The following AGBL1 variants were observed in gnomAD, a reference collection of about 807,000 sequenced individuals.
AGBL1 encodes cytosolic carboxypeptidase 4.
Under a neutral mutation model 118.9 loss-of-function variants are expected in AGBL1, and 130 were observed. That is an observed-to-expected ratio of 1.09 (90% CI 0.95 to 1.26). The LOEUF (loss-of-function observed/expected upper bound fraction) is 1.26, where lower values mean the gene tolerates loss of function less well. Ranked by LOEUF, AGBL1 falls within the 50% of genes most tolerant of loss-of-function variation. AGBL1 has a pLI of 0.00. For missense variants in AGBL1, 1,584 were observed against 1,298.1 expected (o/e 1.22, Z -3.38); for synonymous variants, 555 against 478.9 (o/e 1.16, Z -2.08).
chr15:86,367,357 C>G (rs2080904593), intron 17 of AGBL1, among the ~76,000 whole-genome samples: 2 of 152,132 alleles, frequency 1.3e-5, no homozygotes, highest in Admixed American at 1.3e-4. Flanking sequence ...ATTAGCAATT[C>G]TAATATGAAG....
intron 2 of AGBL1, among the ~76,000 whole-genome samples, chr15:86,142,613 A>C (rs761821632): frequency 9.9e-5 from 15 of 152,240 alleles, no homozygotes; most frequent in Non-Finnish European, 2.1e-4. Context: ...TTTAGAAAGA[A>C]ATATTAACAC....
chr15:86,553,517 C>T (rs768205471), intron 20 of AGBL1, among the ~76,000 whole-genome samples: 18 of 152,072 alleles, frequency 1.2e-4, no homozygotes, highest in South Asian at 2.1e-4. Flanking sequence ...GAAGATGAGA[C>T]GAAAAAGATC....
intron 22 of AGBL1, among the ~76,000 whole-genome samples, chr15:86,762,054 T>G (rs1045646747): frequency 1.3e-5 from 2 of 152,174 alleles, no homozygotes; most frequent in Non-Finnish European, 1.5e-5. Context: ...AGGAATGAGA[T>G]TATGTCATTT....
At chr15:86,570,303 G>A (rs1480580422) in intron 21 of AGBL1, among the ~76,000 whole-genome samples, 3 of 152,206 alleles carry the variant, frequency 2.0e-5, no homozygotes, top group African/African-American at 7.2e-5. Context: ...TGACACCATC[G>A]TGAGAAGGAA....
chr15:86,797,006 C>T (rs1468154956), intron 22 of AGBL1, among the ~76,000 whole-genome samples: 1 of 152,132 alleles, frequency 6.6e-6, no homozygotes, highest in East Asian at 1.9e-4. Context: ...TTAGACAAAC[C>T]TGAGTTCAAA....
At chr15:86,126,054 G>A (rs78554347) in intron 1 of AGBL1, among the ~76,000 whole-genome samples, 5 of 152,018 alleles carry the variant, frequency 3.3e-5, no homozygotes, top group African/African-American at 9.6e-5. Context: ...TTTTCTTCTC[G>A]GTGTCCTGTT....
intron 5 of AGBL1, among the ~76,000 whole-genome samples, chr15:86,172,600 G>A (rs1161626301): frequency 6.6e-6 from 1 of 151,316 alleles, no homozygotes; most frequent in Non-Finnish European, 1.5e-5. Flanking sequence ...AAATGTGAGT[G>A]GTAGTTGTCT....
intron 17 of AGBL1, among the ~76,000 whole-genome samples, chr15:86,327,675 G>A (rs114362461): frequency 1.2e-3 from 178 of 152,292 alleles, no homozygotes; most frequent in African/African-American, 4.1e-3. Flanking sequence ...GCATTTTGAG[G>A]TGAGTCATAG....
At chr15:86,582,650 GC>G (rs2084186407) in intron 21 of AGBL1, among the ~76,000 whole-genome samples, 1 of 152,122 alleles carries the variant, frequency 6.6e-6, no homozygotes, top group African/African-American at 2.4e-5. Flanking sequence ...AGAAAATGTG[GC>G]ACATATACAC....
intron 22 of AGBL1, among the ~76,000 whole-genome samples, chr15:86,760,285 T>C (rs1290299825): frequency 3.9e-5 from 6 of 152,008 alleles, no homozygotes; most frequent in African/African-American, 7.2e-5. Context: ...TACGTTAGGG[T>C]GTCTTCCATA....
At chr15:86,144,844 T>G (rs574780366) in intron 3 of AGBL1, among the ~76,000 whole-genome samples, 1 of 152,302 alleles carries the variant, frequency 6.6e-6, no homozygotes, top group South Asian at 2.1e-4. Flanking sequence ...GTCTATAATA[T>G]AAGTGTCCTA....
In AGBL1 at chr15:86,615,626, T is replaced by G. The variant is rs1243671934; in HGVS notation, c.2995-58647T>G. Among the ~76,000 whole-genome samples, 2 of 152,198 alleles carry G rather than the reference T, an allele frequency of 1.3e-5. No individual in the cohort carries two copies. The highest frequency in any genetic ancestry group is 4.8e-5 in the African/African-American group (2 of 41,454). On this transcript the variant is annotated intron_variant, in intron 21 of 22. Coordinates refer to ENST00000614907, the MANE Select transcript of AGBL1 (RefSeq NM_001386094.1). This position sits in a 1 kb window ranked among gnomAD's most constrained non-coding sequence, Gnocchi z 4.3. ...ACTTTGAGGCAATCTAATCTGAGTG[T>G]AACAGAGCACTGAGGCTCCGGTTCA...
intron 12 of AGBL1, among the ~76,000 whole-genome samples, chr15:86,266,770 C>T (rs923895411): frequency 2.1e-4 from 32 of 152,066 alleles, no homozygotes; most frequent in African/African-American, 6.0e-4. Flanking sequence ...GGTATGGTGG[C>T]GGGTGCCTGT....
chr15:86,503,567 G>A (rs2082940885), intron 18 of AGBL1, among the ~76,000 whole-genome samples: 2 of 150,748 alleles, frequency 1.3e-5, no homozygotes, highest in Non-Finnish European at 3.0e-5. Flanking sequence ...TTTAATACAG[G>A]CATTTACAAA....
chr15:86,845,425 C>A (rs1418399167), intron 22 of AGBL1, among the ~76,000 whole-genome samples: 1 of 152,026 alleles, frequency 6.6e-6, no homozygotes, highest in Non-Finnish European at 1.5e-5. Flanking sequence ...AATTTTAAAC[C>A]AACCTTGCAT....
chr15:86,380,935 A>AGTGTGTGT (rs139872296), intron 17 of AGBL1, among the ~76,000 whole-genome samples: 3 of 149,530 alleles, frequency 2.0e-5, no homozygotes, highest in East Asian at 3.9e-4. Flanking sequence ...TTACTTATAA[A>AGTGTGTGT]GTGTGTGTGT....
At chr15:86,435,827 A>T (rs1441155417) in intron 18 of AGBL1, among the ~76,000 whole-genome samples, 2 of 152,204 alleles carry the variant, frequency 1.3e-5, no homozygotes, top group Non-Finnish European at 2.9e-5. Context: ...ACAGTGCCTA[A>T]CACTGTTCCT....
chr15:86,613,320 GA>G lies in AGBL1; in HGVS notation c.2994+58785del, dbSNP rs1244464221. Among the ~76,000 whole-genome samples, 1 of 152,196 alleles carries G rather than the reference GA, an allele frequency of 6.6e-6. No homozygotes were observed. Among genetic ancestry groups the G allele is most frequent in the Non-Finnish European group, 1.5e-5 (1 of 68,038 alleles). ...ATGGTGAAGGCAGTCGAGGTCCCAT[GA>G]ACTTGTAGGTGACTTTAGCTGGATC... On this transcript the variant is annotated intron_variant, in intron 21 of 22. Transcript: ENST00000614907. This position sits in a 1 kb window ranked among gnomAD's most constrained non-coding sequence, Gnocchi z 4.2.
At chr15:86,150,160 T>C (rs1046779142) in intron 3 of AGBL1, among the ~76,000 whole-genome samples, 2 of 151,990 alleles carry the variant, frequency 1.3e-5, no homozygotes, top group Non-Finnish European at 2.9e-5. Context: ...CACTAAATGC[T>C]CACAAGAGAT....
Sources: gnomAD v4.1 joint callset for allele counts (sites outside exome capture counted in the v4.1 genomes callset) on GRCh38, gnomAD v4.1.1 for gene constraint, Gnocchi (gnomAD v3.1) non-coding constraint, MANE v1.5 for transcripts, NCBI Gene and HGNC (gene_info 2026-07-23, HGNC 2026-07-21) for gene names.